Variants in ENKUR observed in about 807,000 individuals in gnomAD.
ENKUR encodes the protein enkurin, TRPC channel interacting protein.
ENKUR carries 19 observed loss-of-function variants against 27.6 expected under a neutral mutation model. That is an observed-to-expected ratio of 0.69 (90% CI 0.48 to 1.01). The LOEUF (loss-of-function observed/expected upper bound fraction) is 1.01. Ranked by LOEUF, ENKUR falls within the 50% of genes least tolerant of loss-of-function variation. ENKUR has a pLI of 0.00. For synonymous variants in ENKUR, 117 were observed against 96.9 expected, an observed-to-expected ratio of 1.21 and a Z score of -1.22; for missense variants, 312 against 310.5, an observed-to-expected ratio of 1.00 and a Z score of -0.04.
intron 4 of ENKUR, among the ~76,000 whole-genome samples, chr10:24,987,096 G>A (rs1438772720): frequency 1.3e-5 from 2 of 152,204 alleles, no homozygotes; most frequent in South Asian, 4.1e-4. Flanking sequence ...CCTGGAGGGT[G>A]GAGAGTGAGG....
intron 2 of ENKUR, chr10:25,021,774 A>C (rs1300539724): frequency 6.6e-6 from 1 of 152,190 alleles, no homozygotes; most frequent in Non-Finnish European, 1.5e-5. Flanking sequence ...GTTTTGCCTC[A>C]GAGTCAACAA....
At chr10:25,003,499 G>A (rs901792106) in intron 1 of ENKUR, among the ~76,000 whole-genome samples, 1 of 152,152 alleles carries the variant, frequency 6.6e-6, no homozygotes, top group Non-Finnish European at 1.5e-5. Context: ...GAGCCACTGC[G>A]CCAAGCCTGT....
chr10:25,050,816 G>A (rs919160620), intron 2 of ENKUR, among the ~76,000 whole-genome samples: 2 of 152,136 alleles, frequency 1.3e-5, no homozygotes, highest in African/African-American at 4.8e-5. Flanking sequence ...CTACTAATAA[G>A]TGGAGTTAAG....
At chr10:25,021,562 CAT>C (rs1317965117) in intron 2 of ENKUR, among the ~76,000 whole-genome samples, 1 of 152,284 alleles carries the variant, frequency 6.6e-6, no homozygotes, top group African/African-American at 2.4e-5. Flanking sequence ...ATGAGACACA[CAT>C]GTTTAAAAAC....
chr10:24,984,297 G>C lies in ENKUR; in HGVS notation c.*73C>G. On this transcript the variant is annotated 3_prime_UTR_variant, in exon 6 of 6. Transcript: ENST00000331161. ...GAAACAATGTGTTGGAGACAGTTTA[G>C]AGTAGCAAGAAGGCACGTGTTACTA... 1.3e-6 allele frequency: 2 copies of C among 1,513,558 alleles called. No individual in the cohort carries two copies. The highest frequency in any genetic ancestry group is 1.7e-4 in the Middle Eastern group (1 of 5,716). The allele number at this position is 1,513,558 out of a possible 1,614,324, so 93.8% of individuals were successfully genotyped here.
chr10:25,051,023 A>G (rs1298142722), intron 2 of ENKUR, among the ~76,000 whole-genome samples: 1 of 152,146 alleles, frequency 6.6e-6, no homozygotes, highest in Non-Finnish European at 1.5e-5. Context: ...TTTCCCGTGC[A>G]TGCCTTATAG....
At chr10:25,016,262 A>G, upstream of ENKUR, 1 of 869,418 alleles carries the variant, frequency 1.2e-6, no homozygotes, top group African/African-American at 1.8e-5. Context: ...CTGCTAGAGA[A>G]GCTCATTTGG....
chr10:25,025,004 T>TA, intron 2 of ENKUR: 2 of 1,614,212 alleles, frequency 1.2e-6, no homozygotes, highest in Non-Finnish European at 1.7e-6. Context: ...TTTAATCGAT[T>TA]AGAAAGTCAG....
chr10:25,013,846 G>T, intron 1 of ENKUR, among the ~76,000 whole-genome samples: 1 of 152,088 alleles, frequency 6.6e-6, no homozygotes, highest in East Asian at 1.9e-4. Flanking sequence ...GGAGGCTGAG[G>T]CAGGAGAATC....
intron 2 of ENKUR, chr10:25,026,237 T>G (rs749699340): frequency 2.4e-5 from 4 of 166,908 alleles, no homozygotes; most frequent in Non-Finnish European, 4.4e-5. Context: ...AATGTGTATC[T>G]CACACTGTCC....
At chr10:25,055,315 CA>C (rs1851241079) in intron 2 of ENKUR, among the ~76,000 whole-genome samples, 2 of 151,812 alleles carry the variant, frequency 1.3e-5, no homozygotes, top group South Asian at 4.2e-4. Context: ...GGTGATTTAC[CA>C]TACAGGCCAC....
chr10:25,030,393 A>C (rs1321456673), intron 2 of ENKUR, among the ~76,000 whole-genome samples: 1 of 152,214 alleles, frequency 6.6e-6, no homozygotes, highest in African/African-American at 2.4e-5. Flanking sequence ...TTTGCTGTAT[A>C]TAGAATCCTA....
At chr10:25,021,971 G>A (rs1850727965) in intron 2 of ENKUR, 1 of 152,056 alleles carries the variant, frequency 6.6e-6, no homozygotes, top group Non-Finnish European at 1.5e-5. Flanking sequence ...CAGAGTTTAA[G>A]TAGCATAGAA....
rs530785995 is a variant in ENKUR, at chr10:25,032,227, C to T, written c.37+28885G>A. Among the ~76,000 whole-genome samples, 12 of 151,440 alleles carry T rather than the reference C, an allele frequency of 7.9e-5. No homozygotes were observed. In the South Asian group the frequency reaches 2.1e-3, roughly 26 times the overall value. ...GAAACTGGGCTATTTCAGTGGGTAC[C>T]GTCAATTCTATCTGTAGGACTTTTC... On this transcript the variant is annotated intron_variant, in intron 2 of 5. Coordinates refer to the ENKUR transcript ENST00000615958.
chr10:24,995,614 T>C, intron 3 of ENKUR, 32 bp downstream of exon 3: 1 of 1,538,458 alleles, frequency 6.5e-7, no homozygotes, highest in Non-Finnish European at 8.9e-7. Context: ...TATTTGAATT[T>C]CAGCCCTCTT....
intron 3 of ENKUR, among the ~76,000 whole-genome samples, chr10:24,994,886 G>T (rs1413190790): frequency 6.6e-6 from 1 of 151,974 alleles, no homozygotes; most frequent in Non-Finnish European, 1.5e-5. Context: ...ACCAGGCCTG[G>T]TGATGCATGC....
At chr10:25,004,762 T>C (rs973984723) in intron 1 of ENKUR, among the ~76,000 whole-genome samples, 1 of 152,228 alleles carries the variant, frequency 6.6e-6, no homozygotes, top group Non-Finnish European at 1.5e-5. Context: ...CTCTTTACTT[T>C]AATTAGATCC....
rs115222734 is a variant in ENKUR, at chr10:25,038,938, T to C, written c.37+22174A>G. Among the ~76,000 whole-genome samples the C allele has an allele frequency of 5.1e-3, 778 of 152,336 alleles. 5 individuals are homozygous for C. The highest frequency in any genetic ancestry group is 0.018 in the African/African-American group (735 of 41,580). ...TGTGTGAGTTATTTAAATAAAAATG[T>C]GTACAGTGAGAATTACTGAGATCAC... On this transcript the variant is annotated intron_variant, in intron 2 of 5. Transcript: ENST00000615958.
At chr10:25,039,632 T>TGCATGAC (rs1851040135) in intron 2 of ENKUR, among the ~76,000 whole-genome samples, 5 of 152,186 alleles carry the variant, frequency 3.3e-5, no homozygotes, top group African/African-American at 1.2e-4. Context: ...CATTGCTTAT[T>TGCATGAC]ATCTAGCTAT....
Sources: gnomAD v4.1 joint callset for allele counts (sites outside exome capture counted in the v4.1 genomes callset) on GRCh38, gnomAD v4.1.1 for gene constraint, MANE v1.5 for transcripts, NCBI Gene and HGNC (gene_info 2026-07-23, HGNC 2026-07-21) for gene names.